C3: variants seen among roughly 807,000 people sequenced by gnomAD.
The protein encoded by C3 is complement C3.
C3 carries 97 observed loss-of-function variants against 207.9 expected under a neutral mutation model. The observed-to-expected ratio is 0.47, with a 90% CI of 0.40 to 0.55. The LOEUF (loss-of-function observed/expected upper bound fraction) is 0.55, where lower values mean the gene tolerates loss of function less well. Ranked by LOEUF, C3 falls within the 20% of genes least tolerant of loss-of-function variation. The pLI, the probability that C3 is intolerant of heterozygous loss-of-function variation, is 0.00. For missense variants in C3, 1,684 were observed against 2,171.7 expected, an observed-to-expected ratio of 0.78 and a Z score of 4.46; for synonymous variants, 848 against 857.6, an observed-to-expected ratio of 0.99 and a Z score of 0.20.
At position 6,681,952 on chromosome 19, in the gene C3, A is replaced by G; in HGVS notation, c.4339T>C (p.Tyr1447His). 1 of 1,613,580 alleles carries G rather than the reference A, an allele frequency of 6.2e-7. No homozygotes were observed. ...TGATGCAGCCTTACCTTGTCCAGGT[A>G]GATGATGAGGGTGTTCCTATCGGAG... Reference protein sequence around the residue: ...AFSDRNTLIIYLDKVSHSEDD... With the variant: ...AFSDRNTLIIHLDKVSHSEDD... Residue 1447 changes from tyrosine to histidine, a missense_variant, in exon 35 of 41, where the codon TAC (tyrosine) becomes CAC (histidine). Transcript: ENST00000245907.
intron 19 of C3, among the ~76,000 whole-genome samples, chr19:6,699,146 AT>A (rs908663884): frequency 6.6e-6 from 1 of 152,016 alleles, no homozygotes; most frequent in African/African-American, 2.4e-5. Context: ...TTAAATCTTA[AT>A]TTTTTAAAAA....
At chr19:6,679,013 G>A in intron 38 of C3, 112 bp downstream of exon 38, 1 of 813,168 alleles carries the variant, frequency 1.2e-6, no homozygotes, top group South Asian at 1.4e-5. Context: ...ACACACCACA[G>A]TCACCCACAC....
chr19:6,691,241 A>G (rs916280982), intron 26 of C3, among the ~76,000 whole-genome samples: 1 of 152,002 alleles, frequency 6.6e-6, no homozygotes, highest in Admixed American at 6.6e-5. Flanking sequence ...TTTAGTAGAG[A>G]TGGGGTTTCC....
Position 6,700,945 on chromosome 19 carries a change from A to C in C3, c.2440+1182T>G, listed in dbSNP as rs563334841. 1.2e-3 allele frequency among the ~76,000 whole-genome samples: 177 copies of C among 151,744 alleles called. 1 individual carries two copies. The highest frequency in any genetic ancestry group is 0.01 in the Admixed American group (152 of 15,178). On this transcript the variant is annotated intron_variant, in intron 19 of 40. Coordinates refer to ENST00000245907, the MANE Select transcript of C3 (RefSeq NM_000064.4). Reference sequence around the variant, plus strand: ...TTCTCAAAAACAAAAGAAAGAAAGAAAAGCATCAATTTTAGAGACTGTACC... The same window carrying C: ...TTCTCAAAAACAAAAGAAAGAAAGACAAGCATCAATTTTAGAGACTGTACC...
chr19:6,710,949 G>A, intron 12 of C3, 38 bp downstream of exon 12: 1 of 1,607,970 alleles, frequency 6.2e-7, no homozygotes, highest in Non-Finnish European at 8.5e-7. Flanking sequence ...AAGAAACAAG[G>A]AGGAGGCGGG....
Position 6,677,963 on chromosome 19 carries a change from G to A in C3, c.4911C>T (p.Cys1637=), listed in dbSNP as rs1355201994. ...WVEHWPEEDE[C]QDEENQKQCQ... ...ATTGTTTCTGGTTCTCTTCGTCTTG[G>A]CATTCGTCCTCCTCGGGCCAGTGCT... Residue 1637 remains cysteine, a synonymous_variant, in exon 41 of 41, where the codon TGC becomes TGT. Coordinates refer to ENST00000245907, the MANE Select transcript of C3 (RefSeq NM_000064.4). The A allele has an allele frequency of 5.6e-6, 9 of 1,614,046 alleles. No homozygotes were observed. The Admixed American group carries it at 1.5e-4, about 27-fold the overall frequency.
At chr19:6,718,938 TCAGGGA>T (rs1475055052) in intron 2 of C3, among the ~76,000 whole-genome samples, 1 of 102,086 alleles carries the variant, frequency 9.8e-6, no homozygotes, top group Non-Finnish European at 1.9e-5. Flanking sequence ...GGGTGGGGTC[TCAGGGA>T]AGGTCAGGGC....
intron 14 of C3, among the ~76,000 whole-genome samples, chr19:6,709,219 C>T (rs1012030791): frequency 3.3e-5 from 5 of 152,090 alleles, no homozygotes; most frequent in African/African-American, 7.2e-5. Context: ...GAGGTCGAGG[C>T]GGGTGGATCA....
At position 6,689,320 on chromosome 19, in the gene C3, T is replaced by TACCTAC. The variant is rs143516796; in HGVS notation, c.3489+1308_3489+1309insGTAGGT. ...TCTCCTCTCTCTCTCTCTCTCTCTC[T>TACCTAC]CTACCTACCTCCCTCCCTCCCTCCC... On this transcript the variant is annotated intron_variant, in intron 27 of 40. Coordinates refer to ENST00000245907, the MANE Select transcript of C3 (RefSeq NM_000064.4). Among the ~76,000 whole-genome samples, 195 of 72,332 alleles carry TACCTAC rather than the reference T, an allele frequency of 2.7e-3. 14 individuals carry two copies. The highest frequency in any genetic ancestry group is 0.012 in the African/African-American group (185 of 15,518). 47.5% of individuals were successfully genotyped at this position (72,332 alleles called of 152,430 possible). A position where few individuals can be genotyped will look rare whatever the true frequency, so the allele number is the denominator to read the frequency against.
intron 19 of C3, among the ~76,000 whole-genome samples, chr19:6,700,708 ATGTGG>A (rs1967655774): frequency 7.3e-6 from 1 of 137,656 alleles, no homozygotes; most frequent in African/African-American, 2.7e-5. Context: ...TATATGTAAT[ATGTGG>A]TATGTTATAT....
chr19:6,691,072 T>TTTTTTGA (rs1918154444), intron 26 of C3, among the ~76,000 whole-genome samples: 5 of 147,324 alleles, frequency 3.4e-5, no homozygotes, highest in African/African-American at 5.2e-5. Flanking sequence ...TTTTTTTTTT[T>TTTTTTGA]GGGACAGTTT....
chr19:6,708,905 C>A lies in C3; in HGVS notation c.1845+779G>T, dbSNP rs181483973. Among the ~76,000 whole-genome samples the A allele has an allele frequency of 3.9e-5, 6 of 152,080 alleles. No individual in the cohort carries two copies. In the East Asian group the frequency reaches 9.8e-4, roughly 25 times the overall value. On this transcript the variant is annotated intron_variant, in intron 14 of 40. Transcript: ENST00000245907. ...GTCTTGCCATGTTGCCCAAGCTGGT[C>A]TGAACTCCTGGCCTCAAGTGATCCT...
chr19:6,684,375 C>A lies in C3; in HGVS notation c.4172+13G>T, dbSNP rs1599499571. 1.9e-6 allele frequency: 3 copies of A among 1,611,612 alleles called. No individual in the cohort carries two copies. The highest frequency in any genetic ancestry group is 2.5e-6 in the Non-Finnish European group (3 of 1,177,696). ...GGATGGCCAAGATGAACCCCGGTGA[C>A]CTAGCTTCTTACCTGGTACAGATCT... On this transcript the variant is annotated intron_variant, in intron 33 of 40. Transcript: ENST00000245907.
At chr19:6,690,464 T>G (rs1337939017) in intron 27 of C3, among the ~76,000 whole-genome samples, 165 bp downstream of exon 27, 1 of 152,230 alleles carries the variant, frequency 6.6e-6, no homozygotes, top group African/African-American at 2.4e-5. Context: ...CTGTATTAGA[T>G]GAGTTAAGTG....
At chr19:6,715,345 G>A (rs540631839) in intron 4 of C3, among the ~76,000 whole-genome samples, 1 of 151,986 alleles carries the variant, frequency 6.6e-6, no homozygotes, top group South Asian at 2.1e-4. Context: ...ATGTGGTGGC[G>A]CACGTCTGTG....
intron 17 of C3, among the ~76,000 whole-genome samples, chr19:6,706,772 C>T (rs1967783979): frequency 6.7e-6 from 1 of 148,168 alleles, no homozygotes; most frequent in African/African-American, 2.5e-5. Context: ...GGTACCTCCT[C>T]TCTCCTCAGA....
chr19:6,683,617 AT>A (rs1917923690), intron 33 of C3, among the ~76,000 whole-genome samples: 1 of 151,380 alleles, frequency 6.6e-6, no homozygotes, highest in Non-Finnish European at 1.5e-5. Flanking sequence ...TGCCCGGCTA[AT>A]TTTTTTGTAT....
Position 6,718,389 on chromosome 19 carries a change from C to T in C3, c.291G>A (p.Lys97=), listed in dbSNP as rs201139127. Residue 97 remains lysine (K), a synonymous_variant, in exon 3 of 41, where the codon AAG becomes AAA. Coordinates refer to ENST00000245907, the MANE Select transcript of C3 (RefSeq NM_000064.4). The part of the protein sequence containing the change: ...TFTIPANREF[K]SEKGRNKFVT... ...CGAACTTGTTGCGCCCCTTTTCTGA[C>T]TTGAACTCCCTGTTGGCTGGGATCT... The T allele has an allele frequency of 6.2e-7, 1 of 1,614,218 alleles. No homozygotes were observed. The highest frequency in any genetic ancestry group is 2.2e-5 in the East Asian group (1 of 44,884).
At position 6,691,115 on chromosome 19, in the gene C3, G is replaced by A. The variant is rs11569504; in HGVS notation, c.3391-388C>T. On this transcript the variant is annotated intron_variant, in intron 26 of 40. Transcript: ENST00000245907. ...GTTGCCCAGGCTGGAGTGCAATGGC[G>A]CAATCTCGACTCCCTGCAACCTCCG... 3.5e-3 allele frequency among the ~76,000 whole-genome samples: 525 copies of A among 148,178 alleles called. 4 individuals carry two copies. Among genetic ancestry groups the A allele is most frequent in the African/African-American group, 0.012 (483 of 40,320 alleles).
Sources: gnomAD v4.1 joint callset for allele counts (sites outside exome capture counted in the v4.1 genomes callset) on GRCh38, gnomAD v4.1.1 for gene constraint, MANE v1.5 for transcripts, NCBI Gene and HGNC (gene_info 2026-07-23, HGNC 2026-07-21) for gene names.